The following LY75 variants were observed in gnomAD, a reference collection of about 807,000 sequenced individuals.
The protein encoded by LY75 is lymphocyte antigen 75, also known as C-type lectin domain family 13 member B.
A neutral mutation model predicts 231.7 loss-of-function variants in LY75; 185 were observed. That is an observed-to-expected ratio of 0.80 (90% CI 0.71 to 0.90). The LOEUF is 0.90. Ranked by LOEUF, LY75 falls within the 40% of genes least tolerant of loss-of-function variation. LY75 has a pLI of 0.00. For missense variants in LY75, 1,947 were observed against 2,050.2 expected (o/e 0.95, Z 0.97); for synonymous variants, 668 against 689.0 (o/e 0.97, Z 0.48).
At chr2:159,892,441 C>A (rs1685787353) in intron 3 of LY75, among the ~76,000 whole-genome samples, 1 of 152,170 alleles carries the variant, frequency 6.6e-6, no homozygotes, top group African/African-American at 2.4e-5. Context: ...TTGTGCCTCA[C>A]TGTGATCATC....
chr2:159,858,689 T>G (rs1043562292), intron 15 of LY75, among the ~76,000 whole-genome samples: 13 of 152,224 alleles, frequency 8.5e-5, no homozygotes, highest in Non-Finnish European at 1.8e-4. Flanking sequence ...TGTTGTAAAG[T>G]CATGTTTATG....
chr2:159,833,743 G>T (rs1159154037), intron 27 of LY75, among the ~76,000 whole-genome samples: 1 of 152,140 alleles, frequency 6.6e-6, no homozygotes, highest in African/African-American at 2.4e-5. Context: ...ATCCCCACAT[G>T]TCATGGGAGG....
Position 159,878,655 on chromosome 2 carries a change from A to G in LY75, c.1582T>C (p.Cys528Arg), listed in dbSNP as rs763625274. 1 of 1,614,020 alleles carries G rather than the reference A, an allele frequency of 6.2e-7. No homozygotes were observed. Among genetic ancestry groups the G allele is most frequent in the South Asian group, 1.1e-5 (1 of 91,072 alleles). ...CACCTGCTAGTGATAGTCAGATTGCAGTTTGTTCCAAAAGGGACCTCATCC... is the reference window on the plus strand; with the variant it reads ...CACCTGCTAGTGATAGTCAGATTGCGGTTTGTTCCAAAAGGGACCTCATCC... ...YEDEVPFGTN[C>R]NLTITSRFEQ... The change falls in exon 10 of 35, where the codon TGC becomes CGC. Residue 528 changes from cysteine to arginine, a missense_variant. Cys to Arg is a radical substitution (Grantham distance 180, BLOSUM62 -3). Transcript: ENST00000263636.
Position 159,882,150 on chromosome 2 carries a change from A to T in LY75, c.1220T>A (p.Val407Glu). 6.2e-7 allele frequency: 1 copy of T among 1,613,222 alleles called. No individual in the cohort carries two copies. Among genetic ancestry groups the T allele is most frequent in the Non-Finnish European group, 8.5e-7 (1 of 1,179,638 alleles). Residue 407 changes from valine to glutamate, a missense_variant, in exon 7 of 35, where the codon GTG (valine) becomes GAG (glutamate). Val to Glu is a moderately radical substitution (Grantham distance 121). Coordinates refer to ENST00000263636, the MANE Select transcript of LY75 (RefSeq NM_002349.4). Reference protein sequence around the residue: ...ISIHSLADVEVVVTKLHNEDI... With the variant: ...ISIHSLADVEEVVTKLHNEDI... ...CTCATTATGGAGTTTTGTGACAACC[A>T]CCTCCACATCTGCTAGAGAATGAAT... is the stretch of plus-strand genomic sequence containing the variant.
At chr2:159,868,180 T>C (rs1000604661) in intron 13 of LY75, among the ~76,000 whole-genome samples, 2 of 152,204 alleles carry the variant, frequency 1.3e-5, no homozygotes, top group Non-Finnish European at 1.5e-5. Flanking sequence ...GGAGAAGTTA[T>C]TAAGCAAACA....
At chr2:159,838,787 T>A (rs189053923) in intron 25 of LY75, among the ~76,000 whole-genome samples, 26 of 152,258 alleles carry the variant, frequency 1.7e-4, no homozygotes, top group Admixed American at 2.0e-4. Flanking sequence ...TAATTTAATT[T>A]AATTAATTAA....
chr2:159,842,450 C>T (rs1308880582), intron 23 of LY75, 76 bp from the exon 24 acceptor site: 1 of 1,459,844 alleles, frequency 6.9e-7, no homozygotes, highest in Admixed American at 2.2e-5. Context: ...AGTTTAGATT[C>T]TAGATTGAAT....
At position 159,808,481 on chromosome 2, in the gene LY75, C is replaced by G. The variant is rs1156507321; in HGVS notation, c.4790G>C (p.Arg1597Thr). 7 of 1,613,776 alleles carry G rather than the reference C, an allele frequency of 4.3e-6. No homozygotes were observed. The African/African-American group carries it at 5.3e-5, about 12-fold the overall frequency. The change falls in exon 33 of 35, where the codon AGA (arginine) becomes ACA (threonine). Residue 1597 changes from arginine (R) to threonine (T), a missense_variant. Arg to Thr is a moderately conservative substitution (Grantham distance 71). Transcript: ENST00000263636. ...ATGTTGAGATAATCCAAGCCAAACT[C>G]TCATGGTAATGTTATTATTTTCCCT... ...LMRENNNITM[R>T]VWLGLSQHSV...
chr2:159,810,858 G>A (rs377743593), intron 31 of LY75, among the ~76,000 whole-genome samples, 183 bp from the exon 32 acceptor site: 5 of 152,186 alleles, frequency 3.3e-5, no homozygotes, highest in South Asian at 4.1e-4. Flanking sequence ...TTGGAATACC[G>A]TTTAAAAAAC....
chr2:159,836,343 C>T (rs2125844155), intron 25 of LY75, among the ~76,000 whole-genome samples: 1 of 152,290 alleles, frequency 6.6e-6, no homozygotes, highest in African/African-American at 2.4e-5. Context: ...TCTCACATCA[C>T]TGTTTTCACA....
chr2:159,890,429 A>C, intron 3 of LY75, 52 bp from the exon 4 acceptor site: 1 of 1,603,224 alleles, frequency 6.2e-7, no homozygotes, highest in Non-Finnish European at 8.5e-7. Context: ...AATGTTTTCT[A>C]TTACTTAGAA....
rs34060340 is a variant in LY75, at chr2:159,850,035, G to A, written c.3095C>T (p.Thr1032Met). 1,101 of 1,613,898 alleles carry A rather than the reference G, an allele frequency of 6.8e-4. 13 individuals carry two copies. In the African/African-American group the frequency reaches 0.012, roughly 18 times the overall value. Reference sequence around the variant, plus strand: ...CAATAATGGGTGAAAGTTACTGTACGTCAGCTCTCTGTTATCTGTCCATTT... The same window carrying A: ...CAATAATGGGTGAAAGTTACTGTACATCAGCTCTCTGTTATCTGTCCATTT... Reference protein sequence around the residue: ...INKWTDNRELTYSNFHPLLVS... With the variant: ...INKWTDNRELMYSNFHPLLVS... The change falls in exon 23 of 35, where the codon ACG becomes ATG. Residue 1032 changes from threonine to methionine, a missense_variant. Transcript: ENST00000263636.
chr2:159,870,424 C>T (rs775011734), intron 13 of LY75, among the ~76,000 whole-genome samples: 20 of 145,828 alleles, frequency 1.4e-4, no homozygotes, highest in Non-Finnish European at 2.6e-4. Context: ...GTACCTCAGC[C>T]TGAGTGACAA....
intron 4 of LY75, among the ~76,000 whole-genome samples, chr2:159,886,917 GAC>G (rs1685603261): frequency 6.6e-6 from 1 of 151,916 alleles, no homozygotes; most frequent in Non-Finnish European, 1.5e-5. Flanking sequence ...ATTCTAGACT[GAC>G]AATTTAAATT....
intron 8 of LY75, among the ~76,000 whole-genome samples, chr2:159,880,204 T>C (rs1205117812): frequency 6.6e-6 from 1 of 152,190 alleles, no homozygotes; most frequent in Non-Finnish European, 1.5e-5. Flanking sequence ...CACAGGAAAG[T>C]GATACAAACA....
chr2:159,852,432 T>C (rs1194976630), intron 20 of LY75, 92 bp from the exon 21 acceptor site: 12 of 1,519,940 alleles, frequency 7.9e-6, no homozygotes, highest in Non-Finnish European at 9.7e-6. Flanking sequence ...GTTTTTTTTT[T>C]TTTGAGACAG....
chr2:159,875,511 G>C lies in LY75; in HGVS notation c.1907C>G (p.Ser636Cys). The C allele has an allele frequency of 6.2e-7, 1 of 1,614,064 alleles. No homozygotes were observed. Among genetic ancestry groups the C allele is most frequent in the South Asian group, 1.1e-5 (1 of 91,080 alleles). The change falls in exon 12 of 35, where the codon TCC (serine) becomes TGC (cysteine). Residue 636 changes from serine to cysteine, a missense_variant. Physicochemically the swap from Ser to Cys is moderately radical, Grantham distance 112. Coordinates refer to ENST00000263636, the MANE Select transcript of LY75 (RefSeq NM_002349.4). ...MSGPLGPEEA[S>C]PKPDDPCPEG... The stretch of plus-strand genomic sequence containing the variant: ...AGGACAGGGGTCATCAGGCTTAGGG[G>C]ATGCTTCTTCAGGCCCAAGGGGTCC...
intron 28 of LY75, among the ~76,000 whole-genome samples, chr2:159,830,617 T>C (rs1683621570): frequency 6.7e-6 from 1 of 150,330 alleles, no homozygotes; most frequent in South Asian, 2.1e-4. Flanking sequence ...GATGGAGTCT[T>C]GAGTCTCTGT....
At position 159,816,807 on chromosome 2, in the gene LY75, T is replaced by A. The variant is rs764596649; in HGVS notation, c.4379A>T (p.Asp1460Val). The A allele has an allele frequency of 1.2e-6, 2 of 1,613,374 alleles. No homozygotes were observed. The highest frequency in any genetic ancestry group is 2.2e-5 in the East Asian group (1 of 44,842). ...TCTGGAAAACGAAGCAAGACTTACA[T>A]CATGACTTGAGAGCCCAACCCATAG... ...FPLWVGLSSH[D>V]GSESSFEWSD... The change falls in exon 30 of 35, where the codon GAT becomes GTT. Residue 1460 changes from aspartate (D) to valine (V), a missense_variant and splice_region_variant. Physicochemically the swap from Asp to Val is radical, Grantham distance 152 (BLOSUM62 -3). Transcript: ENST00000263636.
Sources: gnomAD v4.1 joint callset for allele counts (sites outside exome capture counted in the v4.1 genomes callset) on GRCh38, gnomAD v4.1.1 for gene constraint, MANE v1.5 for transcripts, NCBI Gene and HGNC (gene_info 2026-07-23, HGNC 2026-07-21) for gene names.